The following USP22 variants were observed in gnomAD, a reference collection of about 807,000 sequenced individuals.
The protein encoded by USP22 is ubiquitin carboxyl-terminal hydrolase 22.
In USP22, 22 loss-of-function variants were observed where a neutral mutation model predicts 68.1. That is an observed-to-expected ratio of 0.32 (90% CI 0.23 to 0.46). The LOEUF is 0.46. USP22 is among the 20% of genes least tolerant of loss of function. USP22 has a pLI of 1.00. For synonymous variants in USP22, 279 were observed against 274.2 expected (o/e 1.02, Z -0.17); for missense variants, 433 against 695.8 (o/e 0.62, Z 4.25).
In USP22 at chr17:21,011,224, C is replaced by A; in HGVS notation, c.1030G>T (p.Gly344Trp). 1 of 1,610,642 alleles carries A rather than the reference C, an allele frequency of 6.2e-7. No individual in the cohort carries two copies. Among genetic ancestry groups the A allele is most frequent in the East Asian group, 2.2e-5 (1 of 44,670 alleles). The change falls in exon 8 of 13, where the codon GGG (glycine) becomes TGG (tryptophan). Residue 344 changes from glycine (G) to tryptophan (W), a missense_variant. By Grantham distance (184) the Gly-to-Trp change is radical. This residue lies in a region of USP22 where 178 missense variants were observed against 351.5 expected (regional missense o/e 0.51). Coordinates refer to ENST00000261497, the MANE Select transcript of USP22 (RefSeq NM_015276.2). Reference sequence around the variant, plus strand: ...CCGTTTACCACGTTGCCCTCGCTCCCTGGGCTCAGGGGCCAGAATGGGGTG... The same window carrying A: ...CCGTTTACCACGTTGCCCTCGCTCCATGGGCTCAGGGGCCAGAATGGGGTG... ...SSTPFWPLSP[G>W]SEGNVVNGES...
rs148239226 is a variant in USP22, at chr17:21,027,441, T to C, written c.304+1101A>G. ...TTATGGACTCGCATGTTGTTTCCAA[T>C]AGGTCTTTCTAGGCTAATGTTTTTA... On this transcript the variant is annotated intron_variant, in intron 2 of 12. Coordinates refer to ENST00000261497, the MANE Select transcript of USP22 (RefSeq NM_015276.2). Among the ~76,000 whole-genome samples, 17 of 152,250 alleles carry C rather than the reference T, an allele frequency of 1.1e-4. No homozygotes were observed. The East Asian group carries it at 3.3e-3, about 29-fold the overall frequency.
At chr17:21,021,324 T>C (rs1000841548) in intron 2 of USP22, 98 bp from the exon 3 acceptor site, 2 of 781,002 alleles carry the variant, frequency 2.6e-6, no homozygotes, top group Non-Finnish European at 4.4e-6. Context: ...CTGTAGATAC[T>C]GACTGTTCAC....
chr17:21,024,547 C>G (rs1471631351), intron 2 of USP22, among the ~76,000 whole-genome samples: 2 of 152,176 alleles, frequency 1.3e-5, no homozygotes, highest in Non-Finnish European at 2.9e-5. Flanking sequence ...TCGAATGGAT[C>G]AGAGACCTAA....
chr17:20,999,864 T>C lies in USP22; in HGVS notation c.*3167A>G, dbSNP rs1322087131. On this transcript the variant is annotated 3_prime_UTR_variant, in exon 13 of 13. Transcript: ENST00000261497. Reference sequence around the variant, plus strand: ...ACACCAAGCCAAAATACAATAGCACTCAGGTCTATATGTTGCAGTGGTGCT... The same window carrying C: ...ACACCAAGCCAAAATACAATAGCACCCAGGTCTATATGTTGCAGTGGTGCT... 2 of 152,100 alleles carry C rather than the reference T, an allele frequency of 1.3e-5. No individual in the cohort carries two copies. The highest frequency in any genetic ancestry group is 6.5e-5 in the Admixed American group (1 of 15,272). The allele number at this position is 152,100 out of a possible 1,614,324, so 9.4% of individuals were successfully genotyped here. A position where few individuals can be genotyped will look rare whatever the true frequency, so the allele number is the denominator to read the frequency against.
intron 4 of USP22, chr17:21,018,319 C>T: frequency 2.1e-6 from 1 of 472,214 alleles, no homozygotes; most frequent in South Asian, 3.7e-5. Flanking sequence ...TGGACCCCTC[C>T]CACTTCAGCC....
At chr17:21,003,176 G>T in intron 12 of USP22, 103 bp from the exon 13 acceptor site, 1 of 1,397,222 alleles carries the variant, frequency 7.2e-7, no homozygotes, top group Non-Finnish European at 1.0e-6. Flanking sequence ...GCTCTGCACA[G>T]GTCGGCCAGG....
chr17:21,040,515 T>C (rs1378348130), intron 1 of USP22, among the ~76,000 whole-genome samples: 1 of 152,086 alleles, frequency 6.6e-6, no homozygotes, highest in Admixed American at 6.5e-5. Flanking sequence ...AACTTCTAAT[T>C]GGTGAATAAC....
chr17:21,011,597 G>A, intron 7 of USP22: 13 of 384,572 alleles, frequency 3.4e-5, no homozygotes, highest in South Asian at 2.8e-4. Context: ...GACTTGGGAG[G>A]AGGATAAACT....
At chr17:21,030,109 T>C (rs968758507) in intron 1 of USP22, among the ~76,000 whole-genome samples, 12 of 152,208 alleles carry the variant, frequency 7.9e-5, no homozygotes, top group African/African-American at 2.9e-4. Flanking sequence ...ACTCCATGGA[T>C]ACTCAAGTCC....
At chr17:21,017,782 GA>G (rs1972106652) in intron 5 of USP22, among the ~76,000 whole-genome samples, 159 bp downstream of exon 5, 1 of 152,162 alleles carries the variant, frequency 6.6e-6, no homozygotes, top group African/African-American at 2.4e-5. Context: ...TCCCTTTTTG[GA>G]AAACTGTGTT....
chr17:21,023,874 AGCT>A (rs2054386686), intron 2 of USP22, among the ~76,000 whole-genome samples: 1 of 152,152 alleles, frequency 6.6e-6, no homozygotes, highest in Non-Finnish European at 1.5e-5. Context: ...TGCTTCCCAG[AGCT>A]GTGTGATGAT....
Position 21,018,105 on chromosome 17 carries a change from C to T in USP22, c.527G>A (p.Arg176His). 6.3e-7 allele frequency: 1 copy of T among 1,593,700 alleles called. No individual in the cohort carries two copies. The highest frequency in any genetic ancestry group is 8.6e-7 in the Non-Finnish European group (1 of 1,169,100). Residue 176 changes from arginine (R) to histidine (H), a missense_variant, in exon 5 of 13, where the codon CGT becomes CAT. By Grantham distance (29) the Arg-to-His change is conservative. Coordinates refer to ENST00000261497, the MANE Select transcript of USP22 (RefSeq NM_015276.2). ...KITSNCTIGL[R>H]GLINLGNTCF... ...TGTGTTCCCAAGGTTGATCAGCCCA[C>T]GCAGACCTGGACACAAATCACCAGA...
chr17:21,005,042 G>A, intron 10 of USP22, 52 bp from the exon 11 acceptor site: 2 of 1,599,406 alleles, frequency 1.3e-6, no homozygotes, highest in South Asian at 1.1e-5. Context: ...CAGGCCCAGA[G>A]ACACAAGGCT....
intron 6 of USP22, among the ~76,000 whole-genome samples, chr17:21,015,339 G>A (rs1259052715): frequency 6.6e-6 from 1 of 152,198 alleles, no homozygotes; most frequent in Admixed American, 6.5e-5. Flanking sequence ...AGTCCTTTTG[G>A]AGAGTCCCCA....
At chr17:21,042,605 G>A in intron 1 of USP22, 60 bp downstream of exon 1, 3 of 1,257,536 alleles carry the variant, frequency 2.4e-6, no homozygotes, top group Middle Eastern at 2.4e-4. Context: ...CCCTCCGCCG[G>A]CCGGCCTCAG....
chr17:21,010,692 A>C (rs376685499), intron 8 of USP22, among the ~76,000 whole-genome samples: 18 of 152,254 alleles, frequency 1.2e-4, no homozygotes, highest in African/African-American at 3.9e-4. Flanking sequence ...CACTTTGTAA[A>C]TATTATTACT....
Position 20,999,932 on chromosome 17 carries a change from G to A in USP22, c.*3099C>T, listed in dbSNP as rs1318907115. ...CCAGGGAGGCTGCAGTGCTCACCAC[G>A]AAGCCCAGGTCCACGGAGGGAGCCA... On this transcript the variant is annotated 3_prime_UTR_variant, in exon 13 of 13. Transcript: ENST00000261497. The A allele has an allele frequency of 1.3e-5, 2 of 152,314 alleles. No individual in the cohort carries two copies. Among genetic ancestry groups the A allele is most frequent in the African/African-American group, 4.8e-5 (2 of 41,438 alleles). 9.4% of individuals were successfully genotyped at this position (152,314 alleles called of 1,614,324 possible). A position where few individuals can be genotyped will look rare whatever the true frequency, so the allele number is the denominator to read the frequency against.
intron 1 of USP22, among the ~76,000 whole-genome samples, chr17:21,031,428 C>A (rs372545640): frequency 3.9e-5 from 6 of 152,390 alleles, no homozygotes; most frequent in African/African-American, 1.4e-4. Context: ...TGCTGTGCTA[C>A]ACACTCCATT....
intron 1 of USP22, among the ~76,000 whole-genome samples, chr17:21,037,470 A>G (rs1055966119): frequency 6.6e-6 from 1 of 152,224 alleles, no homozygotes; most frequent in African/African-American, 2.4e-5. Context: ...TACGGGAATG[A>G]GAAGGGCACT....
Sources: gnomAD v4.1 joint callset for allele counts (sites outside exome capture counted in the v4.1 genomes callset) on GRCh38, gnomAD v4.1.1 for gene constraint, gnomAD v4.1.1 regional missense constraint, MANE v1.5 for transcripts, NCBI Gene and HGNC (gene_info 2026-07-23, HGNC 2026-07-21) for gene names.